Variants in PGPEP1L observed in about 807,000 individuals in gnomAD.
The protein encoded by PGPEP1L is pyroglutamyl-peptidase I like.
PGPEP1L carries 7 observed loss-of-function variants against 6.0 expected under a neutral mutation model. The ratio of observed to expected loss-of-function variants is 1.17; its 90% confidence interval spans 0.66 to 2.19. The LOEUF is 2.19. Among genes scored for constraint, PGPEP1L ranks in the 30% most tolerant of loss-of-function variants. PGPEP1L has a pLI of 0.00. For missense variants in PGPEP1L, 209 were observed against 192.5 expected (o/e 1.09, Z -0.51); for synonymous variants, 103 against 83.9 (o/e 1.23, Z -1.24).
In PGPEP1L at chr15:98,980,485, CAGG is replaced by C. The variant is rs1322773567; in HGVS notation, c.-141-9330_-141-9328del. 3.3e-5 allele frequency among the ~76,000 whole-genome samples: 5 copies of C among 152,216 alleles called. No individual in the cohort carries two copies. In the South Asian group the frequency reaches 1.0e-3, roughly 32 times the overall value. On this transcript the variant is annotated intron_variant, in intron 2 of 4. Coordinates refer to ENST00000535714, the MANE Select transcript of PGPEP1L (RefSeq NM_001167902.2). ...AAGTAAACAAATAAGTAAGTGGGTC[CAGG>C]AGGAGGACTCAGCTCTCTCATGCAC...
chr15:98,980,850 C>T (rs534036010), intron 2 of PGPEP1L, among the ~76,000 whole-genome samples: 47 of 151,626 alleles, frequency 3.1e-4, no homozygotes, highest in Non-Finnish European at 7.4e-5. Context: ...GAGAATTGCT[C>T]GAACCTGGGG....
In PGPEP1L at chr15:98,971,025, CCAT is replaced by C. The variant is rs1399738454; in HGVS notation, c.-19+8_-19+10del. On this transcript the variant is annotated splice_region_variant and intron_variant, in intron 3 of 4. Transcript: ENST00000535714. ...CAGTCCCATGCCCCACTGCCTCTGGCCATCACTTACTTGCGGCTGATGATCTTC... is the reference window on the plus strand; with the variant it reads ...CAGTCCCATGCCCCACTGCCTCTGGCCACTTACTTGCGGCTGATGATCTTC... The C allele has an allele frequency of 1.4e-5, 23 of 1,613,304 alleles. No homozygotes were observed. The African/African-American group carries it at 2.0e-4, about 14-fold the overall frequency.
At chr15:98,981,489 C>CAA (rs769918543) in intron 2 of PGPEP1L, among the ~76,000 whole-genome samples, 1,200 of 81,868 alleles carry the variant, frequency 0.015, 20 homozygotes, top group African/African-American at 0.035. Flanking sequence ...GACTCCGTCT[C>CAA]AAAAAAAAAA....
intron 2 of PGPEP1L, among the ~76,000 whole-genome samples, chr15:98,993,730 G>A (rs903664604): frequency 2.0e-5 from 3 of 151,948 alleles, no homozygotes; most frequent in Non-Finnish European, 4.4e-5. Flanking sequence ...ATAGATGATG[G>A]GTTGATGGGT....
chr15:99,002,162 C>T (rs1227258806), intron 2 of PGPEP1L, among the ~76,000 whole-genome samples: 2 of 152,088 alleles, frequency 1.3e-5, no homozygotes, highest in African/African-American at 4.8e-5. Flanking sequence ...CAGGTGCATG[C>T]CACCATGTCT....
intron 2 of PGPEP1L, among the ~76,000 whole-genome samples, chr15:98,999,155 G>A (rs1555472732): frequency 6.6e-6 from 1 of 152,194 alleles, no homozygotes; most frequent in Non-Finnish European, 1.5e-5. Context: ...AGAGGAGGAA[G>A]AGATAAGCTA....
chr15:98,981,489 C>CAAAAAAAAAA (rs769918543), intron 2 of PGPEP1L, among the ~76,000 whole-genome samples: 2 of 82,098 alleles, frequency 2.4e-5, no homozygotes, highest in African/African-American at 3.4e-5. Context: ...GACTCCGTCT[C>CAAAAAAAAAA]AAAAAAAAAA....
chr15:98,973,935 A>T (rs958927912), intron 2 of PGPEP1L, among the ~76,000 whole-genome samples: 2 of 152,230 alleles, frequency 1.3e-5, no homozygotes, highest in Admixed American at 1.3e-4. Flanking sequence ...GAACAAACAG[A>T]ATCAACAAGC....
At chr15:98,975,661 A>G in intron 2 of PGPEP1L, among the ~76,000 whole-genome samples, 1 of 152,132 alleles carries the variant, frequency 6.6e-6, no homozygotes, top group East Asian at 1.9e-4. Flanking sequence ...CGGGCGGATC[A>G]CTTGATGTCA....
intron 2 of PGPEP1L, among the ~76,000 whole-genome samples, chr15:98,980,267 C>G (rs1345257736): frequency 6.6e-6 from 1 of 152,168 alleles, no homozygotes; most frequent in East Asian, 1.9e-4. Flanking sequence ...AAAGTGTGGA[C>G]TCGTGCCATT....
chr15:98,971,194 T>A lies in PGPEP1L; in HGVS notation c.-141-36A>T, dbSNP rs925936615. ...CGGCAGGTGGACTTGCCTCAGTTGATGGGGGGGGGGGGGGGGTGGGCACCA... is the reference window on the plus strand; with the variant it reads ...CGGCAGGTGGACTTGCCTCAGTTGAAGGGGGGGGGGGGGGGGTGGGCACCA... On this transcript the variant is annotated intron_variant, in intron 2 of 4. Transcript: ENST00000535714. 15 of 586,084 alleles carry A rather than the reference T, an allele frequency of 2.6e-5. 1 individual carries two copies. The highest frequency in any genetic ancestry group is 8.1e-5 in the East Asian group (2 of 24,634). 36.3% of individuals were successfully genotyped at this position (586,084 alleles called of 1,614,324 possible).
intron 2 of PGPEP1L, among the ~76,000 whole-genome samples, chr15:98,979,488 A>G (rs546094107): frequency 2.0e-5 from 3 of 152,338 alleles, no homozygotes; most frequent in African/African-American, 7.2e-5. Flanking sequence ...TTGCAATTGC[A>G]GAAATGTGAA....
At chr15:98,994,410 T>G (rs1283475565) in intron 2 of PGPEP1L, among the ~76,000 whole-genome samples, 1 of 152,086 alleles carries the variant, frequency 6.6e-6, no homozygotes, top group African/African-American at 2.4e-5. Context: ...TCCCAGCACT[T>G]TGGGAGGCTG....
At chr15:98,995,790 C>T (rs143230883) in intron 2 of PGPEP1L, among the ~76,000 whole-genome samples, 50 of 152,240 alleles carry the variant, frequency 3.3e-4, no homozygotes, top group Admixed American at 1.6e-3. Flanking sequence ...CCAAAAAACC[C>T]CATATTCATT....
intron 2 of PGPEP1L, among the ~76,000 whole-genome samples, chr15:98,971,484 A>C (rs1467439984): frequency 6.6e-6 from 1 of 151,930 alleles, no homozygotes; most frequent in Non-Finnish European, 1.5e-5. Flanking sequence ...ACAGAGCTAG[A>C]CTCTGTTTCC....
At chr15:98,995,422 G>A (rs189660187) in intron 2 of PGPEP1L, among the ~76,000 whole-genome samples, 1 of 152,308 alleles carries the variant, frequency 6.6e-6, no homozygotes, top group East Asian at 1.9e-4. Context: ...TTCAGGCCGG[G>A]TGCAGTGGCT....
chr15:98,984,876 G>A (rs1266800848), intron 2 of PGPEP1L, among the ~76,000 whole-genome samples: 1 of 152,062 alleles, frequency 6.6e-6, no homozygotes, highest in South Asian at 2.1e-4. Flanking sequence ...TGATAGCAAG[G>A]ACGGTGGAGA....
chr15:98,979,320 C>A (rs1341910961), intron 2 of PGPEP1L, among the ~76,000 whole-genome samples: 1 of 92,560 alleles, frequency 1.1e-5, no homozygotes, highest in African/African-American at 4.2e-5. Flanking sequence ...TTTCAGGATG[C>A]CAAAATTAAA....
chr15:99,006,178 A>AGGATC (rs1321447326), intron 1 of PGPEP1L, among the ~76,000 whole-genome samples: 1 of 152,218 alleles, frequency 6.6e-6, no homozygotes, highest in African/African-American at 2.4e-5. Flanking sequence ...TTGAGAAACG[A>AGGATC]GGATCGCAGC....
Sources: allele counts gnomAD v4.1 joint callset (sites outside exome capture counted in the v4.1 genomes callset), GRCh38; gene constraint gnomAD v4.1.1; transcripts MANE v1.5; gene names NCBI Gene and HGNC (gene_info 2026-07-23, HGNC 2026-07-21).